The following ADAMTS16 variants were observed in gnomAD, a reference collection of about 807,000 sequenced individuals.
ADAMTS16 encodes the protein ADAM metallopeptidase with thrombospondin type 1 motif 16, also known as A disintegrin and metalloproteinase with thrombospondin motifs 16.
Under a neutral mutation model 145.8 loss-of-function variants are expected in ADAMTS16, and 94 were observed. The ratio of observed to expected loss-of-function variants is 0.64; its 90% CI spans 0.55 to 0.77. ADAMTS16 has a LOEUF of 0.77. Ranked by LOEUF, ADAMTS16 falls within the 30% of genes least tolerant of loss-of-function variation. The pLI is 0.00. For missense variants in ADAMTS16, 1,585 were observed against 1,591.5 expected (o/e 1.00, Z 0.07); for synonymous variants, 659 against 604.3 (o/e 1.09, Z -1.33).
At chr5:5,318,652 C>A (rs973338526) in intron 22 of ADAMTS16, among the ~76,000 whole-genome samples, 19 of 152,146 alleles carry the variant, frequency 1.2e-4, no homozygotes, top group African/African-American at 2.4e-5. Flanking sequence ...CCCAGCATTG[C>A]GGAGACAGAT....
chr5:5,241,032 T>G (rs1351988408), intron 16 of ADAMTS16, among the ~76,000 whole-genome samples: 1 of 151,974 alleles, frequency 6.6e-6, no homozygotes, highest in African/African-American at 2.4e-5. Context: ...GGAGAGTATC[T>G]CAATGGCCTT....
At chr5:5,221,285 A>G (rs1033869943) in intron 10 of ADAMTS16, among the ~76,000 whole-genome samples, 3 of 152,088 alleles carry the variant, frequency 2.0e-5, no homozygotes, top group Non-Finnish European at 4.4e-5. Context: ...GTTCTGGCCA[A>G]GAACAGAGGC....
At chr5:5,140,911 A>C in intron 2 of ADAMTS16, 145 bp downstream of exon 2, 1 of 759,016 alleles carries the variant, frequency 1.3e-6, no homozygotes, top group Non-Finnish European at 2.0e-6. Flanking sequence ...TTTTTTTTTA[A>C]CTGTATGAGC....
intron 3 of ADAMTS16, among the ~76,000 whole-genome samples, chr5:5,154,004 G>A (rs1734538956): frequency 6.6e-6 from 1 of 151,500 alleles, no homozygotes; most frequent in South Asian, 2.1e-4. Context: ...ACAAACTCCA[G>A]GGATTCCCTG....
intron 18 of ADAMTS16, among the ~76,000 whole-genome samples, chr5:5,300,630 A>G (rs1217351089): frequency 6.6e-6 from 1 of 152,228 alleles, no homozygotes; most frequent in Non-Finnish European, 1.5e-5. Context: ...CTCGGTTTAA[A>G]GGCCTTAAGT....
intron 10 of ADAMTS16, among the ~76,000 whole-genome samples, chr5:5,218,289 A>C (rs1443762946): frequency 6.6e-6 from 1 of 152,178 alleles, no homozygotes; most frequent in Non-Finnish European, 1.5e-5. Context: ...GGGTGCTTGT[A>C]ATACATCGAT....
intron 10 of ADAMTS16, among the ~76,000 whole-genome samples, chr5:5,220,400 C>T (rs13170877): frequency 0.037 from 5,625 of 151,008 alleles, 338 homozygotes; most frequent in African/African-American, 0.12. Context: ...CCTCGTGATC[C>T]GCCCGCCTCG....
intron 4 of ADAMTS16, among the ~76,000 whole-genome samples, chr5:5,184,077 A>G (rs1275968489): frequency 1.3e-5 from 2 of 152,118 alleles, no homozygotes; most frequent in East Asian, 1.9e-4. Context: ...GCCAGGGGCC[A>G]TGTGACCAGC....
In ADAMTS16 at chr5:5,310,294, C is replaced by A. The variant is rs1432595592; in HGVS notation, c.3411+3566C>A. Among the ~76,000 whole-genome samples the A allele has an allele frequency of 6.6e-6, 1 of 152,130 alleles. No individual in the cohort carries two copies. ...CAGCCCATCTCTCATCCTTCCTAGC[C>A]CCCAATTCCCTTTTCTGTGGCCACT... is the stretch of plus-strand genomic sequence containing the variant. On this transcript the variant is annotated intron_variant, in intron 21 of 22. Coordinates refer to ENST00000274181, the MANE Select transcript of ADAMTS16 (RefSeq NM_139056.4). The surrounding 1 kb of genome is among the most constrained non-coding windows in gnomAD (Gnocchi z 4.3).
In ADAMTS16 at chr5:5,169,660, C is replaced by T. The variant is rs556061460; in HGVS notation, c.502-12384C>T. Among the ~76,000 whole-genome samples, 120 of 152,280 alleles carry T rather than the reference C, an allele frequency of 7.9e-4. 1 individual carries two copies. Among genetic ancestry groups the T allele is most frequent in the African/African-American group, 2.7e-3 (111 of 41,558 alleles). On this transcript the variant is annotated intron_variant, in intron 3 of 22. Transcript: ENST00000274181. ...ATTAACATTTAATCACACGATTGCT[C>T]GCTAGGTGTCCTTGCTGCATGTTCA...
chr5:5,266,572 C>T (rs757395888), intron 18 of ADAMTS16, among the ~76,000 whole-genome samples: 5 of 152,312 alleles, frequency 3.3e-5, no homozygotes, highest in Admixed American at 6.5e-5. Context: ...TTGCAATCTG[C>T]TTGTTGGTTG....
At chr5:5,153,970 T>C (rs1734537959) in intron 3 of ADAMTS16, among the ~76,000 whole-genome samples, 1 of 152,184 alleles carries the variant, frequency 6.6e-6, no homozygotes. Context: ...CTGGTTTGAA[T>C]TGTACTGGGT....
At chr5:5,297,810 A>C (rs2126501448) in intron 18 of ADAMTS16, among the ~76,000 whole-genome samples, 1 of 152,332 alleles carries the variant, frequency 6.6e-6, no homozygotes, top group East Asian at 1.9e-4. Context: ...CAGCAAAGAA[A>C]TCCTGCATTT....
chr5:5,174,675 A>T (rs926259400), intron 3 of ADAMTS16, among the ~76,000 whole-genome samples: 5 of 152,180 alleles, frequency 3.3e-5, no homozygotes, highest in African/African-American at 1.2e-4. Flanking sequence ...ATTTTCAAAT[A>T]GCCTGTCTTC....
intron 20 of ADAMTS16, 184 bp downstream of exon 20, chr5:5,303,950 C>T: frequency 1.5e-6 from 1 of 689,154 alleles, no homozygotes; most frequent in Non-Finnish European, 2.4e-6. Context: ...GCTTCTGAAT[C>T]GTGTCCTGGG....
intron 11 of ADAMTS16, among the ~76,000 whole-genome samples, chr5:5,224,572 A>C (rs1021910864): frequency 6.6e-6 from 1 of 152,216 alleles, no homozygotes. Flanking sequence ...TACAGGTGTG[A>C]GCCACCACAT....
chr5:5,299,055 C>T, intron 18 of ADAMTS16, among the ~76,000 whole-genome samples: 1 of 152,196 alleles, frequency 6.6e-6, no homozygotes, highest in South Asian at 2.1e-4. Context: ...TGGACTAAAT[C>T]CAGCTGGCAG....
chr5:5,229,328 G>A (rs1316631661), intron 11 of ADAMTS16, among the ~76,000 whole-genome samples: 3 of 141,988 alleles, frequency 2.1e-5, no homozygotes, highest in Admixed American at 2.1e-4. Context: ...AAAAAAAGAA[G>A]TTCTAAGTTG....
chr5:5,240,374 AC>A (rs1197654260), intron 16 of ADAMTS16, among the ~76,000 whole-genome samples: 4 of 152,218 alleles, frequency 2.6e-5, no homozygotes, highest in Non-Finnish European at 5.9e-5. Flanking sequence ...TTGGCGGGCC[AC>A]AGCTCCGCAG....
Sources: allele counts gnomAD v4.1 joint callset (sites outside exome capture counted in the v4.1 genomes callset), GRCh38; gene constraint gnomAD v4.1.1; non-coding constraint Gnocchi (gnomAD v3.1); transcripts MANE v1.5; gene names NCBI Gene and HGNC (gene_info 2026-07-23, HGNC 2026-07-21).